DZIP3: variants seen among roughly 807,000 people sequenced by gnomAD.
DZIP3 encodes DAZ interacting zinc finger protein 3.
Under a neutral mutation model 162.0 loss-of-function variants are expected in DZIP3, and 118 were observed. The ratio of observed to expected loss-of-function variants is 0.73; its 90% confidence interval spans 0.63 to 0.85. The LOEUF is 0.85. Among genes scored for constraint, DZIP3 ranks in the 40% least tolerant of loss-of-function variants. DZIP3 has a pLI of 0.00. For synonymous variants in DZIP3, 438 were observed against 458.6 expected, an observed-to-expected ratio of 0.96 and a Z score of 0.57; for missense variants, 1,331 against 1,407.0, an observed-to-expected ratio of 0.95 and a Z score of 0.86.
intron 21 of DZIP3, among the ~76,000 whole-genome samples, chr3:108,667,306 G>A (rs535384492): frequency 1.2e-4 from 19 of 152,136 alleles, no homozygotes; most frequent in African/African-American, 3.9e-4. Flanking sequence ...ACTACCATCC[G>A]GAATGAAACA....
rs956271607 is a variant in DZIP3 at position 108,652,785 on chromosome 3, C to T, written c.2034-1360C>T. Among the ~76,000 whole-genome samples, 19 of 151,882 alleles carry T rather than the reference C, an allele frequency of 1.3e-4. 1 individual carries two copies. Among genetic ancestry groups the T allele is most frequent in the South Asian group, 8.3e-4 (4 of 4,832 alleles). Reference sequence around the variant, plus strand: ...ACTGTAATTTTTCTATGTTTAGGTACGTTTAAATACAGACATACTTACGTG... The same window carrying T: ...ACTGTAATTTTTCTATGTTTAGGTATGTTTAAATACAGACATACTTACGTG... On this transcript the variant is annotated intron_variant, in intron 18 of 32. Coordinates refer to ENST00000361582, the MANE Select transcript of DZIP3 (RefSeq NM_014648.4).
chr3:108,662,293 G>T (rs769320225), intron 21 of DZIP3, 36 bp downstream of exon 21: 3 of 1,559,248 alleles, frequency 1.9e-6, no homozygotes, highest in East Asian at 4.5e-5. Context: ...GAAATTCTGC[G>T]CCGTAATAAA....
chr3:108,604,269 T>C (rs976538133), intron 1 of DZIP3, among the ~76,000 whole-genome samples: 7 of 152,186 alleles, frequency 4.6e-5, no homozygotes, highest in Admixed American at 1.3e-4. Flanking sequence ...GTCTTGTGCT[T>C]GGCAGCAAGG....
chr3:108,673,046 A>G (rs1943981044), intron 23 of DZIP3, among the ~76,000 whole-genome samples: 1 of 152,002 alleles, frequency 6.6e-6, no homozygotes, highest in African/African-American at 2.4e-5. Context: ...ATACTTACAC[A>G]TCATACACCT....
At chr3:108,686,696 A>G (rs1944512186) in intron 28 of DZIP3, 112 bp downstream of exon 28, 1 of 1,272,536 alleles carries the variant, frequency 7.9e-7, no homozygotes, top group Admixed American at 2.9e-5. Context: ...AAAAAAGTAC[A>G]GATGTTTCCT....
chr3:108,691,214 C>G lies in DZIP3; in HGVS notation c.*6+311C>G, dbSNP rs997231601. 6.5e-5 allele frequency: 13 copies of G among 200,604 alleles called. No individual in the cohort carries two copies. The Admixed American group carries it at 6.8e-4, about 10-fold the overall frequency. 12.4% of individuals were successfully genotyped at this position (200,604 alleles called of 1,614,324 possible). ...TTTTTAAATTCTTATTTCACTCATC[C>G]TTTACTCTCCCCTCAAGTATTCTAC... On this transcript the variant is annotated intron_variant, in intron 32 of 32. Coordinates refer to ENST00000361582, the MANE Select transcript of DZIP3 (RefSeq NM_014648.4).
chr3:108,694,171 T>C lies in DZIP3; in HGVS notation c.*818T>C, dbSNP rs1457003290. On this transcript the variant is annotated 3_prime_UTR_variant, in exon 33 of 33. Transcript: ENST00000361582. The stretch of plus-strand genomic sequence containing the variant: ...TGCAAATATATTTTGAAGTTACTTT[T>C]AAATATTTATTTAAAACCTCTGTTT... 6.6e-6 allele frequency: 1 copy of C among 152,212 alleles called. No homozygotes were observed. The highest frequency in any genetic ancestry group is 6.5e-5 in the Admixed American group (1 of 15,276). 9.4% of individuals were successfully genotyped at this position (152,212 alleles called of 1,614,324 possible). A position where few individuals can be genotyped will look rare whatever the true frequency, so the allele number is the denominator to read the frequency against.
At position 108,644,612 on chromosome 3, in the gene DZIP3, GA is replaced by G; in HGVS notation, c.1596del (p.Val533PhefsTer10). The G allele has an allele frequency of 6.2e-7, 1 of 1,613,990 alleles. No homozygotes were observed. The highest frequency in any genetic ancestry group is 8.5e-7 in the Non-Finnish European group (1 of 1,179,930). The stretch of plus-strand genomic sequence containing the variant: ...CTGAGTCACAGTTCAATTCAATTTG[GA>G]AAAAAGTTTCAGATATTCTTCTGCG... ...LTESQFNSIW[K>X]KVSDILLRLG... On this transcript the variant is annotated frameshift_variant, in exon 14 of 33. Transcript: ENST00000361582. LOFTEE classifies it high-confidence loss of function.
At chr3:108,691,563 C>T (rs1396885346) in intron 32 of DZIP3, among the ~76,000 whole-genome samples, 1 of 152,184 alleles carries the variant, frequency 6.6e-6, no homozygotes, top group East Asian at 1.9e-4. Context: ...CCTTTTCCTC[C>T]AGGTATACAG....
chr3:108,666,483 C>T (rs1576445965), intron 21 of DZIP3, among the ~76,000 whole-genome samples: 1 of 152,088 alleles, frequency 6.6e-6, no homozygotes, highest in African/African-American at 2.4e-5. Context: ...TATAGTACTA[C>T]TAAACAGAAA....
Position 108,653,507 on chromosome 3 carries a change from G to GTGTATA in DZIP3, c.2034-637_2034-636insGTATAT, listed in dbSNP as rs1273159630. On this transcript the variant is annotated intron_variant, in intron 18 of 32. Transcript: ENST00000361582. ...TGGTTAATTGCCATTGTGTGTGTGT[G>GTGTATA]TATATATATATATATATATATATAT... Among the ~76,000 whole-genome samples, 430 of 104,482 alleles carry GTGTATA rather than the reference G, an allele frequency of 4.1e-3. 4 individuals are homozygous for GTGTATA. Among genetic ancestry groups the GTGTATA allele is most frequent in the South Asian group, 9.8e-3 (30 of 3,066 alleles). The allele number at this position is 104,482 out of a possible 152,430, so 68.5% of individuals were successfully genotyped here.
intron 12 of DZIP3, among the ~76,000 whole-genome samples, chr3:108,641,227 A>G (rs1942385327): frequency 6.6e-6 from 1 of 151,948 alleles, no homozygotes; most frequent in African/African-American, 2.4e-5. Flanking sequence ...TATTGTTTTC[A>G]TATGTTTTAC....
intron 23 of DZIP3, among the ~76,000 whole-genome samples, chr3:108,673,218 T>C (rs1196795183): frequency 6.6e-6 from 1 of 151,896 alleles, no homozygotes; most frequent in East Asian, 1.9e-4. Flanking sequence ...GAGAGATCAC[T>C]GACATTAAAA....
chr3:108,622,569 T>C (rs1316542090), intron 5 of DZIP3, among the ~76,000 whole-genome samples: 1 of 152,174 alleles, frequency 6.6e-6, no homozygotes. Context: ...AGGTATTCAT[T>C]ATAGGCTTCA....
Position 108,642,423 on chromosome 3 carries a change from T to C in DZIP3, c.1065-15T>C. ...ATTTTATTTCCACTATAACTTAATT[T>C]TTTTCCTTTTGCAGTTATAGAAAGT... On this transcript the variant is annotated splice_polypyrimidine_tract_variant and intron_variant, in intron 12 of 32. Transcript: ENST00000361582. 1 of 1,469,614 alleles carries C rather than the reference T, an allele frequency of 6.8e-7. No homozygotes were observed. The highest frequency in any genetic ancestry group is 2.6e-5 in the East Asian group (1 of 39,056). 91.0% of individuals were successfully genotyped at this position (1,469,614 alleles called of 1,614,324 possible). A position where few individuals can be genotyped will look rare whatever the true frequency, so the allele number is the denominator to read the frequency against.
chr3:108,670,071 T>C (rs528258646), intron 22 of DZIP3, among the ~76,000 whole-genome samples: 24 of 152,068 alleles, frequency 1.6e-4, no homozygotes, highest in African/African-American at 5.8e-4. Context: ...ATGTGACTGC[T>C]TTATGAAACT....
chr3:108,622,880 C>CTG (rs1553703883), intron 5 of DZIP3, among the ~76,000 whole-genome samples: 1,609 of 52,834 alleles, frequency 0.03, 164 homozygotes, highest in East Asian at 0.07. Flanking sequence ...CTCTCTCTCT[C>CTG]TGTGTGTGTG....
chr3:108,646,741 C>G, intron 15 of DZIP3, 92 bp downstream of exon 15: 1 of 997,240 alleles, frequency 1.0e-6, no homozygotes, highest in South Asian at 1.7e-5. Context: ...AAATGATAAA[C>G]TATAATTGTG....
chr3:108,685,018 A>T (rs1405851550), intron 27 of DZIP3, among the ~76,000 whole-genome samples: 1 of 152,152 alleles, frequency 6.6e-6, no homozygotes, highest in Non-Finnish European at 1.5e-5. Flanking sequence ...TTTTCCTATA[A>T]GTATAATTAG....
Sources: gnomAD v4.1 joint callset for allele counts (sites outside exome capture counted in the v4.1 genomes callset) on GRCh38, gnomAD v4.1.1 for gene constraint, MANE v1.5 for transcripts, NCBI Gene and HGNC (gene_info 2026-07-23, HGNC 2026-07-21) for gene names.